TTC23: variants seen among roughly 807,000 people sequenced by gnomAD.
TTC23 encodes tetratricopeptide repeat protein 23.
A neutral mutation model predicts 55.1 loss-of-function variants in TTC23; 58 were observed. The ratio of observed to expected loss-of-function variants is 1.05; its 90% CI spans 0.85 to 1.31. TTC23 has a LOEUF of 1.31. Ranked by LOEUF, TTC23 falls within the 50% of genes most tolerant of loss-of-function variation. The pLI is 0.00. For missense variants in TTC23, 516 were observed against 534.4 expected, an observed-to-expected ratio of 0.97 and a Z score of 0.34; for synonymous variants, 203 against 199.9, an observed-to-expected ratio of 1.02 and a Z score of -0.13.
At chr15:99,167,273 A>G (rs1313173249) in intron 10 of TTC23, among the ~76,000 whole-genome samples, 2 of 152,194 alleles carry the variant, frequency 1.3e-5, no homozygotes, top group African/African-American at 4.8e-5. Context: ...GTTCACAAAG[A>G]GCCAGCAGTT....
At chr15:99,168,629 TC>T (rs1212959479) in intron 10 of TTC23, among the ~76,000 whole-genome samples, 1 of 152,102 alleles carries the variant, frequency 6.6e-6, no homozygotes, top group East Asian at 1.9e-4. Context: ...CACTTCAGCC[TC>T]CCCAGGAAAG....
intron 3 of TTC23, among the ~76,000 whole-genome samples, chr15:99,239,303 A>C (rs1368577727): frequency 6.6e-6 from 1 of 152,072 alleles, no homozygotes. Flanking sequence ...TGGCCAACAC[A>C]GTGAAAACCC....
intron 11 of TTC23, chr15:99,158,057 C>G (rs968639333): frequency 1.3e-5 from 2 of 152,120 alleles, no homozygotes; most frequent in African/African-American, 4.8e-5. Flanking sequence ...GGGGATAGGG[C>G]CGGGGTAGGG....
chr15:99,203,289 A>T (rs536555423), intron 8 of TTC23, among the ~76,000 whole-genome samples: 6 of 152,222 alleles, frequency 3.9e-5, no homozygotes, highest in Non-Finnish European at 8.8e-5. Flanking sequence ...CATGTACACC[A>T]AAGCTCCAAG....
At chr15:99,233,497 A>G (rs2079083055) in intron 4 of TTC23, among the ~76,000 whole-genome samples, 1 of 152,176 alleles carries the variant, frequency 6.6e-6, no homozygotes. Flanking sequence ...AAACTGTATG[A>G]TCTCACTCAA....
chr15:99,228,707 T>C lies in TTC23; in HGVS notation c.6A>G (p.Gln2=). 1 of 1,593,312 alleles carries C rather than the reference T, an allele frequency of 6.3e-7. No individual in the cohort carries two copies. Among genetic ancestry groups the C allele is most frequent in the Non-Finnish European group, 8.5e-7 (1 of 1,169,688 alleles). M[Q]ESQETHISNH... is the part of the protein sequence containing the mutation. ...TGGATATGTGGGTTTCCTGTGATTCTTGCATATTTTTATATACATTGTCTT... is the reference window on the plus strand; with the variant it reads ...TGGATATGTGGGTTTCCTGTGATTCCTGCATATTTTTATATACATTGTCTT... Residue 2 remains glutamine (Q), a synonymous_variant, in exon 5 of 14, where the codon CAA becomes CAG. Coordinates refer to ENST00000394132, the MANE Select transcript of TTC23 (RefSeq NM_001288615.3).
intron 10 of TTC23, among the ~76,000 whole-genome samples, chr15:99,174,236 C>G (rs2073274493): frequency 1.3e-5 from 2 of 152,178 alleles, no homozygotes; most frequent in Admixed American, 1.3e-4. Flanking sequence ...TCTTTTCAGA[C>G]CAGGCTGCTC....
intron 1 of TTC23, among the ~76,000 whole-genome samples, chr15:99,246,932 A>G (rs2080298183): frequency 6.6e-6 from 1 of 152,186 alleles, no homozygotes; most frequent in South Asian, 2.1e-4. Context: ...AAACAAACAA[A>G]CAAACAAACA....
intron 8 of TTC23, among the ~76,000 whole-genome samples, chr15:99,205,288 C>T (rs764198341): frequency 6.6e-6 from 1 of 151,788 alleles, no homozygotes; most frequent in Non-Finnish European, 1.5e-5. Context: ...TTGGGACTTT[C>T]GTGGTTCCAC....
At chr15:99,233,112 G>C (rs1332910117) in intron 4 of TTC23, among the ~76,000 whole-genome samples, 1 of 152,170 alleles carries the variant, frequency 6.6e-6, no homozygotes, top group African/African-American at 2.4e-5. Context: ...AGAGTAGAAT[G>C]CTGGTTAGCG....
intron 4 of TTC23, among the ~76,000 whole-genome samples, chr15:99,231,070 C>G (rs891232043): frequency 6.6e-6 from 1 of 152,140 alleles, no homozygotes; most frequent in South Asian, 2.1e-4. Context: ...CAGTAGCTGT[C>G]GTAACATCAT....
intron 8 of TTC23, among the ~76,000 whole-genome samples, chr15:99,208,218 C>T (rs1318105501): frequency 6.6e-6 from 1 of 151,950 alleles, no homozygotes; most frequent in Admixed American, 6.6e-5. Context: ...CAGAAGGAAA[C>T]ATACATATAA....
intron 3 of TTC23, among the ~76,000 whole-genome samples, chr15:99,235,459 C>T (rs766798591): frequency 6.6e-6 from 1 of 151,490 alleles, no homozygotes. Flanking sequence ...CAATCTCTGC[C>T]TCCTGGGTTC....
At chr15:99,201,337 AG>A (rs1272656271) in intron 8 of TTC23, among the ~76,000 whole-genome samples, 1 of 152,200 alleles carries the variant, frequency 6.6e-6, no homozygotes. Flanking sequence ...TAAGACTATT[AG>A]GAACCTTTTC....
intron 8 of TTC23, among the ~76,000 whole-genome samples, chr15:99,208,975 C>T (rs1207830513): frequency 6.6e-6 from 1 of 152,150 alleles, no homozygotes; most frequent in Non-Finnish European, 1.5e-5. Context: ...AAGAAATACA[C>T]TAGACAGATG....
chr15:99,189,621 C>T (rs2075052325), intron 9 of TTC23, among the ~76,000 whole-genome samples: 1 of 152,044 alleles, frequency 6.6e-6, no homozygotes, highest in Non-Finnish European at 1.5e-5. Flanking sequence ...TATTCTAGCT[C>T]GGCATGCATC....
chr15:99,218,545 C>T, intron 8 of TTC23, 43 bp downstream of exon 8: 1 of 1,612,304 alleles, frequency 6.2e-7, no homozygotes, highest in African/African-American at 1.3e-5. Flanking sequence ...AGGCAAAGAG[C>T]CTCCCGCCAT....
intron 4 of TTC23, among the ~76,000 whole-genome samples, chr15:99,232,261 C>A (rs1214602194): frequency 6.6e-6 from 1 of 151,628 alleles, no homozygotes; most frequent in Non-Finnish European, 1.5e-5. Context: ...GAGCGGATCA[C>A]AAGATCAAGA....
At chr15:99,250,589 T>TA (rs1597111319), upstream of TTC23, among the ~76,000 whole-genome samples, 1 of 152,240 alleles carries the variant, frequency 6.6e-6, no homozygotes, top group Non-Finnish European at 1.5e-5. Context: ...AAGTGTCTTT[T>TA]AAAAATGTTT....
Sources: allele counts gnomAD v4.1 joint callset (sites outside exome capture counted in the v4.1 genomes callset), GRCh38; gene constraint gnomAD v4.1.1; transcripts MANE v1.5; gene names NCBI Gene and HGNC (gene_info 2026-07-23, HGNC 2026-07-21).